POU6F2: variants seen among roughly 807,000 people sequenced by gnomAD.
POU6F2 encodes POU domain, class 6, transcription factor 2.
A neutral mutation model predicts 71.3 loss-of-function variants in POU6F2; 31 were observed. The observed-to-expected ratio is 0.43, with a 90% CI of 0.33 to 0.59. The LOEUF (loss-of-function observed/expected upper bound fraction) is 0.59. POU6F2 is among the 20% of genes least tolerant of loss of function. POU6F2 has a pLI of 0.04. For synonymous variants in POU6F2, 347 were observed against 355.7 expected, an observed-to-expected ratio of 0.98 and a Z score of 0.27; for missense variants, 783 against 856.8, an observed-to-expected ratio of 0.91 and a Z score of 1.07.
rs1424520085 is a variant in POU6F2, at chr7:39,318,868, C to T, written c.599-20774C>T. 4.6e-5 allele frequency among the ~76,000 whole-genome samples: 7 copies of T among 152,140 alleles called. No homozygotes were observed. In the South Asian group the frequency reaches 6.2e-4, roughly 13 times the overall value. ...GTCAAAACTCCAACTTGGGGCCAGG[C>T]GCAATGGCTCACACCTGTAATCCCA... On this transcript the variant is annotated intron_variant, in intron 4 of 9. Coordinates refer to ENST00000518318, the MANE Select transcript of POU6F2 (RefSeq NM_001370959.1).
chr7:39,347,845 T>A lies in POU6F2; in HGVS notation c.972+7830T>A, dbSNP rs532160991. Among the ~76,000 whole-genome samples the A allele has an allele frequency of 3.5e-5, 5 of 142,844 alleles. 1 individual carries two copies. The highest frequency in any genetic ancestry group is 1.2e-4 in the African/African-American group (5 of 40,074). The allele number at this position is 142,844 out of a possible 152,430, so 93.7% of individuals were successfully genotyped here. A position where few individuals can be genotyped will look rare whatever the true frequency, so the allele number is the denominator to read the frequency against. The stretch of plus-strand genomic sequence containing the variant: ...TGGGGTTTTGCCATGTTGCCCAGGC[T>A]GGTCTCGAACTCCTGGGCTCAAGTG... On this transcript the variant is annotated intron_variant, in intron 5 of 9. Coordinates refer to ENST00000518318, the MANE Select transcript of POU6F2 (RefSeq NM_001370959.1).
At chr7:39,022,250 T>C (rs1297754938) in intron 1 of POU6F2, among the ~76,000 whole-genome samples, 2 of 152,122 alleles carry the variant, frequency 1.3e-5, no homozygotes, top group Admixed American at 1.3e-4. Flanking sequence ...TTTTTCATAC[T>C]TGGCATCTCT....
chr7:39,368,316 C>G (rs1345787838), intron 5 of POU6F2, among the ~76,000 whole-genome samples: 1 of 152,166 alleles, frequency 6.6e-6, no homozygotes. Flanking sequence ...ATCAAACCAG[C>G]CACAACACTC....
chr7:39,093,345 C>G (rs1791392292), intron 2 of POU6F2, among the ~76,000 whole-genome samples: 1 of 151,982 alleles, frequency 6.6e-6, no homozygotes. Flanking sequence ...GAAAATGGGA[C>G]TGTATAATGA....
intron 4 of POU6F2, among the ~76,000 whole-genome samples, chr7:39,222,373 G>A (rs1195460168): frequency 6.6e-6 from 1 of 152,208 alleles, no homozygotes; most frequent in Non-Finnish European, 1.5e-5. Context: ...AGGAAGAGAA[G>A]AGACTTTCCA....
At chr7:39,057,875 C>A (rs554535110) in intron 1 of POU6F2, among the ~76,000 whole-genome samples, 5 of 152,246 alleles carry the variant, frequency 3.3e-5, no homozygotes, top group African/African-American at 1.2e-4. Context: ...TTTTACTAGT[C>A]TATTCTTCAC....
intron 2 of POU6F2, among the ~76,000 whole-genome samples, chr7:39,201,885 C>T (rs1444012573): frequency 2.0e-5 from 3 of 152,134 alleles, no homozygotes; most frequent in African/African-American, 7.2e-5. Context: ...TCCAACCAGA[C>T]GGATTAGTTT....
intron 4 of POU6F2, among the ~76,000 whole-genome samples, chr7:39,246,900 G>C (rs1421605836): frequency 3.4e-5 from 4 of 116,046 alleles, no homozygotes; most frequent in Non-Finnish European, 6.6e-5. Flanking sequence ...CCAAATCCAG[G>C]GTGGCTTTTT....
At chr7:39,375,452 C>G (rs961662290) in intron 5 of POU6F2, among the ~76,000 whole-genome samples, 1 of 152,114 alleles carries the variant, frequency 6.6e-6, no homozygotes, top group Non-Finnish European at 1.5e-5. Flanking sequence ...GCCGCCCAGT[C>G]CCTGAAGCCG....
intron 4 of POU6F2, among the ~76,000 whole-genome samples, chr7:39,241,596 G>A (rs1465378872): frequency 6.6e-6 from 1 of 152,110 alleles, no homozygotes; most frequent in African/African-American, 2.4e-5. Context: ...TATATAACAT[G>A]TATTCGTAGG....
At chr7:39,319,619 A>G (rs1785344570) in intron 4 of POU6F2, among the ~76,000 whole-genome samples, 2 of 152,196 alleles carry the variant, frequency 1.3e-5, no homozygotes. Flanking sequence ...TTCTCATGCA[A>G]GCCTCAAGTG....
intron 5 of POU6F2, among the ~76,000 whole-genome samples, chr7:39,358,597 T>C (rs1293354727): frequency 6.6e-6 from 1 of 152,202 alleles, no homozygotes; most frequent in Admixed American, 6.5e-5. Context: ...TTGTAAACAA[T>C]TTATTAATAA....
At chr7:39,110,630 G>T (rs934608557) in intron 2 of POU6F2, among the ~76,000 whole-genome samples, 3 of 152,128 alleles carry the variant, frequency 2.0e-5, no homozygotes, top group African/African-American at 7.2e-5. Flanking sequence ...ATAGATGAAA[G>T]TTAAAAGTGT....
intron 5 of POU6F2, among the ~76,000 whole-genome samples, chr7:39,354,005 C>T (rs984872408): frequency 6.6e-5 from 10 of 152,112 alleles, no homozygotes; most frequent in South Asian, 2.1e-4. Flanking sequence ...GCTGGCTTTA[C>T]GCTGATCCGT....
intron 4 of POU6F2, among the ~76,000 whole-genome samples, chr7:39,210,414 A>C (rs1210448813): frequency 1.3e-5 from 2 of 152,188 alleles, no homozygotes; most frequent in Non-Finnish European, 2.9e-5. Context: ...ATGAAAGGAA[A>C]AAAAAAAGTT....
At chr7:39,210,455 T>TTGGAAAATTC (rs1794117550) in intron 4 of POU6F2, among the ~76,000 whole-genome samples, 1 of 152,194 alleles carries the variant, frequency 6.6e-6, no homozygotes, top group Non-Finnish European at 1.5e-5. Context: ...GGTTTGGAAT[T>TTGGAAAATTC]CAGGGATAAG....
At chr7:39,287,136 A>G (rs920700642) in intron 4 of POU6F2, among the ~76,000 whole-genome samples, 1 of 152,188 alleles carries the variant, frequency 6.6e-6, no homozygotes, top group African/African-American at 2.4e-5. Flanking sequence ...TTTTACCGAC[A>G]CAGCATCTCT....
chr7:39,184,812 C>T (rs1450942567), intron 2 of POU6F2, among the ~76,000 whole-genome samples: 1 of 152,192 alleles, frequency 6.6e-6, no homozygotes, highest in African/African-American at 2.4e-5. Context: ...TTGTCTGCCA[C>T]CTCCACCCTC....
chr7:39,293,673 C>A (rs936587655), intron 4 of POU6F2, among the ~76,000 whole-genome samples: 14 of 152,216 alleles, frequency 9.2e-5, no homozygotes, highest in Admixed American at 5.9e-4. Context: ...TGGGCCAAGT[C>A]TTTGGGTCAG....
Sources: allele counts gnomAD v4.1 joint callset (sites outside exome capture counted in the v4.1 genomes callset), GRCh38; gene constraint gnomAD v4.1.1; transcripts MANE v1.5; gene names NCBI Gene and HGNC (gene_info 2026-07-23, HGNC 2026-07-21).